Variants in TANC2 observed in about 807,000 individuals in gnomAD.
The protein encoded by TANC2 is tetratricopeptide repeat, ankyrin repeat and coiled-coil containing 2, also known as protein TANC2.
In TANC2, 26 loss-of-function variants were observed where a neutral mutation model predicts 210.5. The ratio of observed to expected loss-of-function variants is 0.12; its 90% CI spans 0.09 to 0.17. The LOEUF is 0.17. Among genes scored for constraint, TANC2 ranks in the 10% least tolerant of loss-of-function variants. TANC2 has a pLI of 1.00. For synonymous variants in TANC2, 931 were observed against 967.1 expected (o/e 0.96, Z 0.69); for missense variants, 2,129 against 2,608.9 (o/e 0.82, Z 4.01).
intron 2 of TANC2, among the ~76,000 whole-genome samples, chr17:63,043,817 A>G (rs1037565969): frequency 6.6e-6 from 1 of 152,142 alleles, no homozygotes; most frequent in Admixed American, 6.6e-5. Context: ...ATGCAGATGT[A>G]CAGTTCTGAA....
At chr17:63,257,985 T>C (rs1372704587) in intron 8 of TANC2, among the ~76,000 whole-genome samples, 2 of 152,234 alleles carry the variant, frequency 1.3e-5, no homozygotes, top group Non-Finnish European at 2.9e-5. Context: ...TGCTCATTAA[T>C]GTCCGTTTCT....
intron 4 of TANC2, among the ~76,000 whole-genome samples, chr17:63,138,026 C>G (rs143050886): frequency 1.3e-5 from 2 of 152,258 alleles, no homozygotes; most frequent in Admixed American, 1.3e-4. Flanking sequence ...TTCCAGCTTT[C>G]CTTGCACTTA....
intron 8 of TANC2, among the ~76,000 whole-genome samples, chr17:63,256,323 A>G (rs1036753467): frequency 2.0e-5 from 3 of 152,106 alleles, no homozygotes; most frequent in Non-Finnish European, 4.4e-5. Context: ...GTTTCAAGAA[A>G]TCTGTTAATT....
intron 21 of TANC2, among the ~76,000 whole-genome samples, chr17:63,410,958 A>G (rs944033732): frequency 6.6e-6 from 1 of 152,206 alleles, no homozygotes; most frequent in East Asian, 1.9e-4. Context: ...AAATAATGGA[A>G]TAAGTTGACT....
At chr17:63,361,342 C>A (rs184300018) in intron 14 of TANC2, among the ~76,000 whole-genome samples, 183 of 152,350 alleles carry the variant, frequency 1.2e-3, no homozygotes, top group Non-Finnish European at 6.6e-4. Context: ...CCAGATCCCA[C>A]ACCTCCCAAG....
chr17:63,123,401 C>CA (rs1028381311), intron 4 of TANC2, among the ~76,000 whole-genome samples: 55 of 151,236 alleles, frequency 3.6e-4, no homozygotes, highest in Admixed American at 6.6e-4. Flanking sequence ...ACTAAAAATA[C>CA]AAAAAAAATT....
chr17:63,134,089 A>G (rs2039009624), intron 4 of TANC2, among the ~76,000 whole-genome samples: 1 of 152,190 alleles, frequency 6.6e-6, no homozygotes, highest in African/African-American at 2.4e-5. Context: ...TATTCCACGC[A>G]AGGGAGTAAC....
intron 2 of TANC2, among the ~76,000 whole-genome samples, chr17:63,017,772 T>C (rs987102813): frequency 3.9e-5 from 6 of 152,200 alleles, no homozygotes; most frequent in African/African-American, 1.2e-4. Flanking sequence ...AACCTCAAAT[T>C]GGTTAGAGAT....
chr17:63,269,004 C>T (rs2043615161), intron 9 of TANC2, among the ~76,000 whole-genome samples: 1 of 152,150 alleles, frequency 6.6e-6, no homozygotes, highest in Admixed American at 6.6e-5. Flanking sequence ...CTTTAGCTCT[C>T]CTCTTCACCC....
At chr17:63,403,555 T>C (rs1365562766) in intron 19 of TANC2, among the ~76,000 whole-genome samples, 1 of 152,178 alleles carries the variant, frequency 6.6e-6, no homozygotes, top group African/African-American at 2.4e-5. Context: ...ATAAAACTTC[T>C]TTGTCCAGGA....
intron 2 of TANC2, among the ~76,000 whole-genome samples, chr17:63,065,350 C>T (rs1322525018): frequency 6.6e-6 from 1 of 152,138 alleles, no homozygotes; most frequent in Non-Finnish European, 1.5e-5. Context: ...CTATTGTGAA[C>T]AGTGTTGTAA....
At chr17:62,987,909 GCC>G (rs1568297854) in intron 1 of TANC2, among the ~76,000 whole-genome samples, 1 of 152,014 alleles carries the variant, frequency 6.6e-6, no homozygotes, top group Non-Finnish European at 1.5e-5. Flanking sequence ...TGTTTTGTTT[GCC>G]GTAGACTTAA....
At chr17:63,402,921 C>A (rs1475222199) in intron 19 of TANC2, among the ~76,000 whole-genome samples, 1 of 152,324 alleles carries the variant, frequency 6.6e-6, no homozygotes, top group East Asian at 1.9e-4. Context: ...GCCCAGACTC[C>A]ATTTTACATA....
intron 7 of TANC2, among the ~76,000 whole-genome samples, chr17:63,211,545 A>G (rs2041885118): frequency 6.6e-6 from 1 of 152,038 alleles, no homozygotes; most frequent in Admixed American, 6.6e-5. Context: ...TTCTGTCACC[A>G]CCACTACTAC....
Position 63,042,269 on chromosome 17 carries a change from G to T in TANC2, c.68-31674G>T, listed in dbSNP as rs147828122. 3.9e-4 allele frequency among the ~76,000 whole-genome samples: 59 copies of T among 152,082 alleles called. 1 individual carries two copies. The East Asian group carries it at 0.011, about 28-fold the overall frequency. ...GCAGGAATGAGCATTTACATTAAAA[G>T]AATGAATAATATTGAAAGGAAGTAA... On this transcript the variant is annotated intron_variant, in intron 2 of 27. Transcript: ENST00000689528.
At chr17:63,178,979 G>A (rs2040685604) in intron 5 of TANC2, among the ~76,000 whole-genome samples, 1 of 152,298 alleles carries the variant, frequency 6.6e-6, no homozygotes, top group South Asian at 2.1e-4. Flanking sequence ...ATGTTGTAAA[G>A]TGTAAACCAT....
intron 1 of TANC2, among the ~76,000 whole-genome samples, chr17:63,007,176 C>G (rs1403977507): frequency 2.6e-5 from 4 of 152,148 alleles, no homozygotes; most frequent in Non-Finnish European, 5.9e-5. Flanking sequence ...TTGCAGTGAG[C>G]TATAATCACA....
At chr17:63,374,032 G>GTTTTTTTTTTTTT (rs35801082) in intron 14 of TANC2, among the ~76,000 whole-genome samples, 3 of 93,528 alleles carry the variant, frequency 3.2e-5, no homozygotes, top group Non-Finnish European at 3.9e-5. Context: ...GTTGTTGTTG[G>GTTTTTTTTTTTTT]TTTTTTTTTT....
Position 63,354,041 on chromosome 17 carries a change from G to A in TANC2, c.1975-742G>A, listed in dbSNP as rs555314572. ...GATACAGGGTAGTAGCTGGAAGGAA[G>A]AATATGGAGTTTATGTATGTGTGAC... On this transcript the variant is annotated intron_variant, in intron 13 of 27. Transcript: ENST00000689528. 5.3e-5 allele frequency among the ~76,000 whole-genome samples: 8 copies of A among 152,228 alleles called. No homozygotes were observed. In the East Asian group the frequency reaches 1.3e-3, roughly 26 times the overall value.
Sources: allele counts gnomAD v4.1 joint callset (sites outside exome capture counted in the v4.1 genomes callset), GRCh38; gene constraint gnomAD v4.1.1; transcripts MANE v1.5; gene names NCBI Gene and HGNC (gene_info 2026-07-23, HGNC 2026-07-21).